ZBTB17: variants seen among roughly 807,000 people sequenced by gnomAD.
ZBTB17 encodes zinc finger and BTB domain containing 17.
ZBTB17 carries 24 observed loss-of-function variants against 85.1 expected under a neutral mutation model. The observed-to-expected ratio is 0.28, with a 90% CI of 0.20 to 0.40. ZBTB17 has a LOEUF of 0.40. Ranked by LOEUF, ZBTB17 falls within the 10% of genes least tolerant of loss-of-function variation. ZBTB17 has a pLI of 1.00. For missense variants in ZBTB17, 743 were observed against 1,105.1 expected (o/e 0.67, Z 4.65); for synonymous variants, 464 against 460.2 (o/e 1.01, Z -0.11).
intron 2 of ZBTB17, among the ~76,000 whole-genome samples, chr1:15,965,301 G>A (rs1418810228): frequency 1.3e-5 from 2 of 151,848 alleles, no homozygotes; most frequent in Non-Finnish European, 2.9e-5. Flanking sequence ...AGAAAAATGA[G>A]CAAGACAATC....
At position 15,966,432 on chromosome 1, in the gene ZBTB17, C is replaced by T. The variant is rs1404279156; in HGVS notation, c.-3+6607G>A. ...AACCCACTAAGCCTGCTTTCTGGCC[C>T]GCTCTCCACTCGCAGCGGGAATTCC... is the stretch of plus-strand genomic sequence containing the variant. On this transcript the variant is annotated intron_variant, in intron 2 of 15. Transcript: ENST00000375743. The surrounding 1 kb of genome is among the most constrained non-coding windows in gnomAD (Gnocchi z 4.1). 2.0e-5 allele frequency among the ~76,000 whole-genome samples: 3 copies of T among 152,148 alleles called. No individual in the cohort carries two copies. The highest frequency in any genetic ancestry group is 1.9e-4 in the East Asian group (1 of 5,198).
chr1:15,946,321 C>T (rs1224844407), intron 4 of ZBTB17, 27 bp from the exon 5 acceptor site: 12 of 1,594,198 alleles, frequency 7.5e-6, no homozygotes, highest in South Asian at 2.2e-5. Flanking sequence ...GCAGACCTGC[C>T]GTTTCCCATC....
intron 2 of ZBTB17, among the ~76,000 whole-genome samples, chr1:15,955,064 G>A (rs1207708889): frequency 6.6e-6 from 1 of 151,826 alleles, no homozygotes; most frequent in East Asian, 1.9e-4. Context: ...TGAGGCAGGA[G>A]AATCACTTGA....
intron 6 of ZBTB17, 68 bp downstream of exon 6, chr1:15,945,647 T>C (rs1557775134): frequency 1.3e-6 from 2 of 1,581,492 alleles, no homozygotes; most frequent in Non-Finnish European, 1.7e-6. Flanking sequence ...GAGGCCCCAG[T>C]GCGCAGTGGA....
intron 2 of ZBTB17, among the ~76,000 whole-genome samples, chr1:15,960,466 C>T (rs1407263183): frequency 1.3e-5 from 2 of 152,162 alleles, no homozygotes; most frequent in Non-Finnish European, 2.9e-5. Context: ...CATCCTTATC[C>T]TATCTTCTGA....
chr1:15,969,422 A>C (rs960764737), intron 2 of ZBTB17, among the ~76,000 whole-genome samples: 3 of 151,950 alleles, frequency 2.0e-5, no homozygotes, highest in African/African-American at 7.3e-5. Flanking sequence ...TCTGTGATAA[A>C]ATTGTCTCCT....
rs773074248 is a variant in ZBTB17 at position 15,943,915 on chromosome 1, AG to A, written c.1372-21del. The A allele has an allele frequency of 4.4e-6, 7 of 1,575,846 alleles. No homozygotes were observed. Among genetic ancestry groups the A allele is most frequent in the Admixed American group, 3.7e-5 (2 of 54,382 alleles). Reference sequence around the variant, plus strand: ...CCCTACCTGTGCCCAGGGAGGGGTCAGGGGGGCCACCCCACAGAGCTCGGCC... The same window carrying A: ...CCCTACCTGTGCCCAGGGAGGGGTCAGGGGGCCACCCCACAGAGCTCGGCC... On this transcript the variant is annotated intron_variant, in intron 9 of 15. Transcript: ENST00000375743.
chr1:15,970,129 T>G (rs1034706733), intron 2 of ZBTB17: 2 of 611,006 alleles, frequency 3.3e-6, no homozygotes, highest in Non-Finnish European at 6.0e-6. Context: ...GGTCATCATA[T>G]GTACCTTTTG....
chr1:15,945,101 A>G lies in ZBTB17; in HGVS notation c.763T>C (p.Ser255Pro), dbSNP rs747585610. The part of the protein sequence containing the change: ...AGPAEVKEEG[S>P]QLENGEAPEE... ...GGGGCCTCTCCGTTCTCCAGCTGGGAACCCTCCTCCTTGACCTCAGCTGGC... is the reference window on the plus strand; with the variant it reads ...GGGGCCTCTCCGTTCTCCAGCTGGGGACCCTCCTCCTTGACCTCAGCTGGC... Residue 255 changes from serine (S) to proline (P), a missense_variant, in exon 7 of 16, where the codon TCC becomes CCC. Physicochemically the swap from Ser to Pro is moderately conservative, Grantham distance 74. Coordinates refer to ENST00000375743, the MANE Select transcript of ZBTB17 (RefSeq NM_003443.3). 11 of 1,610,300 alleles carry G rather than the reference A, an allele frequency of 6.8e-6. No homozygotes were observed. Among genetic ancestry groups the G allele is most frequent in the Admixed American group, 6.7e-5 (4 of 59,604 alleles).
chr1:15,946,020 G>T, intron 5 of ZBTB17, 134 bp downstream of exon 5: 1 of 1,549,604 alleles, frequency 6.5e-7, no homozygotes, highest in Non-Finnish European at 8.8e-7. Flanking sequence ...ACACACAATA[G>T]GTCATTCTGG....
In ZBTB17 at chr1:15,973,342, C is replaced by A. The variant is rs1047614863; in HGVS notation, c.-89-217G>T. Among the ~76,000 whole-genome samples the A allele has an allele frequency of 6.6e-6, 1 of 152,300 alleles. No individual in the cohort carries two copies. The highest frequency in any genetic ancestry group is 2.4e-5 in the African/African-American group (1 of 41,566). ...TGCACAGACTCAGCCTCAGGCCCTG[C>A]TCTCAAGAACTCCAGCTCAATAAGA... On this transcript the variant is annotated intron_variant, in intron 1 of 15. Transcript: ENST00000375743. This position sits in a 1 kb window ranked among gnomAD's most constrained non-coding sequence, Gnocchi z 4.1.
rs1194113440 is a variant in ZBTB17 at position 15,945,667 on chromosome 1, C to G, written c.661+48G>C. ...CCCAGTGCGCAGTGGAGGCAGGGCC[C>G]TGGGAGGATGCACCAGGTAGGGCCT... On this transcript the variant is annotated intron_variant, in intron 6 of 15. Coordinates refer to ENST00000375743, the MANE Select transcript of ZBTB17 (RefSeq NM_003443.3). The G allele has an allele frequency of 1.9e-6, 3 of 1,600,568 alleles. No individual in the cohort carries two copies. In the African/African-American group the frequency reaches 4.0e-5, roughly 21 times the overall value.
intron 2 of ZBTB17, among the ~76,000 whole-genome samples, chr1:15,949,960 C>A (rs1408200493): frequency 1.3e-5 from 2 of 152,262 alleles, no homozygotes; most frequent in Non-Finnish European, 2.9e-5. Context: ...GCCACAAGTT[C>A]AGCGTTGCTG....
At chr1:15,959,273 C>T (rs1041567576) in intron 2 of ZBTB17, among the ~76,000 whole-genome samples, 7 of 152,116 alleles carry the variant, frequency 4.6e-5, no homozygotes, top group Admixed American at 2.0e-4. Flanking sequence ...TAAGAATGTA[C>T]ACATTTTACT....
rs2072747688 is a variant in ZBTB17, at chr1:15,973,361, A to G, written c.-89-236T>C. Among the ~76,000 whole-genome samples the G allele has an allele frequency of 6.6e-6, 1 of 152,234 alleles. No individual in the cohort carries two copies. The stretch of plus-strand genomic sequence containing the variant: ...GCCCTGCTCTCAAGAACTCCAGCTC[A>G]ATAAGAGACAGGACACAATGTTAAG... On this transcript the variant is annotated intron_variant, in intron 1 of 15. Transcript: ENST00000375743. This position sits in a 1 kb window ranked among gnomAD's most constrained non-coding sequence, Gnocchi z 4.1.
chr1:15,943,335 T>G, intron 12 of ZBTB17, 64 bp downstream of exon 12: 4 of 1,581,756 alleles, frequency 2.5e-6, no homozygotes, highest in South Asian at 1.2e-5. Flanking sequence ...AAGCCCCCAG[T>G]TTGTCTTCTG....
chr1:15,968,072 C>T (rs953812789), intron 2 of ZBTB17, among the ~76,000 whole-genome samples: 1 of 152,162 alleles, frequency 6.6e-6, no homozygotes, highest in Non-Finnish European at 1.5e-5. Context: ...ACCCACCCCC[C>T]ACAACAAAGA....
chr1:15,949,045 G>A (rs887493338), intron 2 of ZBTB17, among the ~76,000 whole-genome samples: 3 of 152,104 alleles, frequency 2.0e-5, no homozygotes, highest in African/African-American at 7.2e-5. Flanking sequence ...GGCTCTGCAC[G>A]TACCCCATCC....
chr1:15,942,793 T>G (rs531783446), intron 13 of ZBTB17, 55 bp from the exon 14 acceptor site: 1 of 1,586,700 alleles, frequency 6.3e-7, no homozygotes, highest in African/African-American at 1.3e-5. Flanking sequence ...AGGGATGGGG[T>G]GGGAGGCCCT....
Sources: gnomAD v4.1 joint callset for allele counts (sites outside exome capture counted in the v4.1 genomes callset) on GRCh38, gnomAD v4.1.1 for gene constraint, Gnocchi (gnomAD v3.1) non-coding constraint, MANE v1.5 for transcripts, NCBI Gene and HGNC (gene_info 2026-07-23, HGNC 2026-07-21) for gene names.